PPARGC1B: variants seen among roughly 807,000 people sequenced by gnomAD.
The protein encoded by PPARGC1B is peroxisome proliferator-activated receptor gamma coactivator 1-beta.
Under a neutral mutation model 101.6 loss-of-function variants are expected in PPARGC1B, and 34 were observed. The observed-to-expected ratio is 0.33, with a 90% CI of 0.25 to 0.45. PPARGC1B has a LOEUF of 0.45. Ranked by LOEUF, PPARGC1B falls within the 20% of genes least tolerant of loss-of-function variation. PPARGC1B has a pLI of 1.00. For synonymous variants in PPARGC1B, 548 were observed against 539.3 expected (o/e 1.02, Z -0.22); for missense variants, 1,234 against 1,317.6 (o/e 0.94, Z 0.98).
At chr5:149,810,004 A>T (rs529133352) in intron 1 of PPARGC1B, among the ~76,000 whole-genome samples, 2 of 152,262 alleles carry the variant, frequency 1.3e-5, no homozygotes, top group East Asian at 3.9e-4. Context: ...CGGGGTGGAC[A>T]CTCAAGCCAC....
rs1035129900 is a variant in PPARGC1B, at chr5:149,730,332, G to A, written c.-11G>A. The A allele has an allele frequency of 4.5e-6, 7 of 1,552,622 alleles. No individual in the cohort carries two copies. The highest frequency in any genetic ancestry group is 6.1e-6 in the Non-Finnish European group (7 of 1,151,810). On this transcript the variant is annotated 5_prime_UTR_variant, in exon 1 of 12. Coordinates refer to ENST00000309241, the MANE Select transcript of PPARGC1B (RefSeq NM_133263.4). The surrounding 1 kb of genome is among the most constrained non-coding windows in gnomAD (Gnocchi z 4.0). ...GTTGACTCCGCCGCACGCTGCAGCC[G>A]CGGCTGGAAGATGGCGGGGAACGAC...
At chr5:149,744,165 C>T (rs781544417) in intron 1 of PPARGC1B, among the ~76,000 whole-genome samples, 1 of 152,178 alleles carries the variant, frequency 6.6e-6, no homozygotes, top group Non-Finnish European at 1.5e-5. Context: ...CTTCAGGCTG[C>T]GTGGATCTTC....
At chr5:149,792,581 C>G (rs1278500787) in intron 1 of PPARGC1B, among the ~76,000 whole-genome samples, 1 of 152,204 alleles carries the variant, frequency 6.6e-6, no homozygotes, top group South Asian at 2.1e-4. Context: ...GCCGGCGGCA[C>G]TACTTTTGCT....
intron 1 of PPARGC1B, among the ~76,000 whole-genome samples, chr5:149,800,588 A>C (rs1432382032): frequency 6.6e-6 from 1 of 152,186 alleles, no homozygotes; most frequent in Non-Finnish European, 1.5e-5. Flanking sequence ...TCCCTTTGGG[A>C]CTGTTAGGCA....
intron 1 of PPARGC1B, among the ~76,000 whole-genome samples, chr5:149,741,886 T>C (rs1754922131): frequency 6.6e-6 from 1 of 152,160 alleles, no homozygotes; most frequent in Non-Finnish European, 1.5e-5. Flanking sequence ...CCTCTCGGCC[T>C]CCCAAAGTGC....
chr5:149,817,540 C>A, intron 1 of PPARGC1B: 1 of 344,956 alleles, frequency 2.9e-6, no homozygotes. Context: ...ATCAGTGCAC[C>A]TTGTTTGTTT....
intron 1 of PPARGC1B, among the ~76,000 whole-genome samples, chr5:149,736,692 A>G (rs1754723739): frequency 6.6e-6 from 1 of 152,186 alleles, no homozygotes; most frequent in Non-Finnish European, 1.5e-5. Flanking sequence ...CAGTCCTCTT[A>G]GAGTGCATAT....
intron 1 of PPARGC1B, among the ~76,000 whole-genome samples, chr5:149,748,779 C>T (rs909671273): frequency 1.3e-5 from 2 of 152,096 alleles, no homozygotes; most frequent in Admixed American, 1.3e-4. Flanking sequence ...GGAGGACTCC[C>T]CATGGGGGTG....
At position 149,836,512 on chromosome 5, in the gene PPARGC1B, C is replaced by A. The variant is rs746361969; in HGVS notation, c.2057C>A (p.Ser686Tyr). ...ASQAGQKRPF[S>Y]CSFGDHDYCQ... ...CAGGCTGGCCAGAAGCGTCCCTTCT[C>A]CTGTTCCTTTGGAGACCATGACTAC... Residue 686 changes from serine to tyrosine, a missense_variant, in exon 8 of 12, where the codon TCC becomes TAC. Coordinates refer to ENST00000309241, the MANE Select transcript of PPARGC1B (RefSeq NM_133263.4). 1 of 1,614,078 alleles carries A rather than the reference C, an allele frequency of 6.2e-7. No individual in the cohort carries two copies. The highest frequency in any genetic ancestry group is 2.2e-5 in the East Asian group (1 of 44,868).
intron 1 of PPARGC1B, chr5:149,818,940 C>T: frequency 2.2e-6 from 1 of 452,758 alleles, no homozygotes; most frequent in Non-Finnish European, 4.4e-6. Flanking sequence ...CTCACTTCTG[C>T]CAGGCCCCAG....
At chr5:149,788,213 TTAAA>T (rs1253244402) in intron 1 of PPARGC1B, among the ~76,000 whole-genome samples, 1 of 152,196 alleles carries the variant, frequency 6.6e-6, no homozygotes, top group Non-Finnish European at 1.5e-5. Context: ...TACAAAGAAC[TTAAA>T]TAAATTTACA....
intron 1 of PPARGC1B, among the ~76,000 whole-genome samples, chr5:149,788,732 A>G (rs979169154): frequency 6.6e-6 from 1 of 152,230 alleles, no homozygotes; most frequent in Non-Finnish European, 1.5e-5. Context: ...TACACCATGG[A>G]ATACTATGCA....
Position 149,833,821 on chromosome 5 carries a change from G to T in PPARGC1B, c.1705+43G>T. On this transcript the variant is annotated intron_variant, in intron 5 of 11. Coordinates refer to ENST00000309241, the MANE Select transcript of PPARGC1B (RefSeq NM_133263.4). The surrounding 1 kb of genome is among the most constrained non-coding windows in gnomAD (Gnocchi z 4.1). ...TCTGCGAAGTGGGGGCAGGGATGGG[G>T]TGCAGCATGCCCCTCTGCACTGGGA... 6.9e-7 allele frequency: 1 copy of T among 1,448,162 alleles called. No homozygotes were observed. The highest frequency in any genetic ancestry group is 2.7e-5 in the Admixed American group (1 of 37,230). The allele number at this position is 1,448,162 out of a possible 1,614,324, so 89.7% of individuals were successfully genotyped here.
chr5:149,812,548 C>G (rs914021377), intron 1 of PPARGC1B, among the ~76,000 whole-genome samples: 1 of 152,196 alleles, frequency 6.6e-6, no homozygotes, highest in Non-Finnish European at 1.5e-5. Flanking sequence ...ATAACTGGAG[C>G]ACAGGGAATG....
intron 1 of PPARGC1B, among the ~76,000 whole-genome samples, chr5:149,736,367 C>G (rs1754709775): frequency 7.0e-6 from 1 of 143,180 alleles, no homozygotes; most frequent in Admixed American, 7.1e-5. Flanking sequence ...TGCATGCAAT[C>G]TTTTTTTTTT....
intron 1 of PPARGC1B, among the ~76,000 whole-genome samples, chr5:149,736,695 G>A (rs918126763): frequency 2.0e-5 from 3 of 152,166 alleles, no homozygotes; most frequent in Non-Finnish European, 4.4e-5. Flanking sequence ...TCCTCTTAGA[G>A]TGCATATCTG....
At chr5:149,781,351 TC>T (rs1756591731) in intron 1 of PPARGC1B, among the ~76,000 whole-genome samples, 1 of 152,212 alleles carries the variant, frequency 6.6e-6, no homozygotes, top group Non-Finnish European at 1.5e-5. Flanking sequence ...GTCCTGCCGT[TC>T]TGCATAGCTG....
intron 3 of PPARGC1B, among the ~76,000 whole-genome samples, chr5:149,828,326 C>T (rs1361891841): frequency 6.6e-6 from 1 of 152,208 alleles, no homozygotes; most frequent in Admixed American, 6.5e-5. Context: ...CCATTTAGTA[C>T]TTGTATGTCC....
intron 1 of PPARGC1B, among the ~76,000 whole-genome samples, chr5:149,769,941 A>T (rs1756062903): frequency 6.6e-6 from 1 of 152,108 alleles, no homozygotes; most frequent in African/African-American, 2.4e-5. Flanking sequence ...CGTATTCTGA[A>T]CCACATCGGC....
Sources: gnomAD v4.1 joint callset for allele counts (sites outside exome capture counted in the v4.1 genomes callset) on GRCh38, gnomAD v4.1.1 for gene constraint, Gnocchi (gnomAD v3.1) non-coding constraint, MANE v1.5 for transcripts, NCBI Gene and HGNC (gene_info 2026-07-23, HGNC 2026-07-21) for gene names.